MS4A7: variants seen among roughly 807,000 people sequenced by gnomAD.
The protein encoded by MS4A7 is membrane spanning 4-domains A7.
A neutral mutation model predicts 23.5 loss-of-function variants in MS4A7; 21 were observed. The ratio of observed to expected loss-of-function variants is 0.89; its 90% CI spans 0.63 to 1.29. MS4A7 has a LOEUF of 1.29. Among genes scored for constraint, MS4A7 ranks in the 50% most tolerant of loss-of-function variants. The pLI, the probability that MS4A7 is intolerant of heterozygous loss-of-function variation, is 0.00. For synonymous variants in MS4A7, 111 were observed against 107.4 expected (o/e 1.03, Z -0.21); for missense variants, 263 against 274.2 (o/e 0.96, Z 0.29).
intron 4 of MS4A7, chr11:60,388,911 T>C (rs542992796): frequency 6.3e-6 from 1 of 158,424 alleles, no homozygotes; most frequent in East Asian, 1.9e-4. Context: ...CACAGACCTA[T>C]AGATAGGTTT....
intron 6 of MS4A7, 62 bp from the exon 7 acceptor site, chr11:60,393,718 ATTATGAG>A: frequency 7.9e-7 from 1 of 1,261,746 alleles, no homozygotes; most frequent in Non-Finnish European, 1.1e-6. Flanking sequence ...GGGAAAAGGT[ATTATGAG>A]TTATCTTTTT....
At position 60,392,718 on chromosome 11, in the gene MS4A7, C is replaced by T. The variant is rs2135109851; in HGVS notation, c.580C>T (p.Leu194=). 1 of 1,613,866 alleles carries T rather than the reference C, an allele frequency of 6.2e-7. No individual in the cohort carries two copies. Among genetic ancestry groups the T allele is most frequent in the Non-Finnish European group, 8.5e-7 (1 of 1,179,930 alleles). The change falls in exon 6 of 7, where the codon CTG becomes TTG. Residue 194 remains leucine, a synonymous_variant. Transcript: ENST00000300184. ...AGTGGTGATGCTCATCTTCACTGTGCTGGAGCTCTTATTAGCTGCATACAG... is the reference window on the plus strand; with the variant it reads ...AGTGGTGATGCTCATCTTCACTGTGTTGGAGCTCTTATTAGCTGCATACAG... ...VLVVMLIFTV[L]ELLLAAYSSV...
chr11:60,389,958 G>GA, intron 5 of MS4A7: 2 of 238,654 alleles, frequency 8.4e-6, no homozygotes, highest in South Asian at 1.2e-4. Context: ...TTCTTCATTT[G>GA]AATTATATTT....
chr11:60,383,442 T>C, intron 2 of MS4A7, 154 bp downstream of exon 2: 1 of 723,988 alleles, frequency 1.4e-6, no homozygotes, highest in Non-Finnish European at 2.1e-6. Context: ...GGGAAGACTC[T>C]TAAAGCTCTG....
intron 3 of MS4A7, among the ~76,000 whole-genome samples, chr11:60,385,423 G>T (rs147162150): frequency 6.6e-6 from 1 of 152,328 alleles, no homozygotes; most frequent in Non-Finnish European, 1.5e-5. Flanking sequence ...CTGCAGAGCA[G>T]GGGGCAAGAG....
Position 60,386,712 on chromosome 11 carries a change from G to T in MS4A7, c.283-5G>T. ...GAACTGATCATTTCTCTCTCTTCTG[G>T]GCAGTTTGGCATTACTGGATCCCTC... On this transcript the variant is annotated splice_polypyrimidine_tract_variant and splice_region_variant and intron_variant, in intron 3 of 6. Coordinates refer to ENST00000300184, the MANE Select transcript of MS4A7 (RefSeq NM_021201.5). 1 of 1,611,122 alleles carries T rather than the reference G, an allele frequency of 6.2e-7. No individual in the cohort carries two copies. Among genetic ancestry groups the T allele is most frequent in the African/African-American group, 1.3e-5 (1 of 74,928 alleles).
chr11:60,379,205 G>T (rs1485644771), intron 1 of MS4A7, among the ~76,000 whole-genome samples: 1 of 152,202 alleles, frequency 6.6e-6, no homozygotes, highest in Non-Finnish European at 1.5e-5. Flanking sequence ...AAGAATCTTG[G>T]TTATATAGGA....
intron 4 of MS4A7, among the ~76,000 whole-genome samples, chr11:60,387,558 A>G (rs2085505699): frequency 3.3e-5 from 5 of 152,094 alleles, no homozygotes; most frequent in Admixed American, 3.3e-4. Flanking sequence ...TTGAGAAAAA[A>G]AATCAGTTTA....
chr11:60,395,045 T>C lies in MS4A7; in HGVS notation c.*1184T>C. On this transcript the variant is annotated 3_prime_UTR_variant, in exon 7 of 7. Transcript: ENST00000300184. The stretch of plus-strand genomic sequence containing the variant: ...GCTTGGAGCTAAATGCTGCTCATGC[T>C]GAAAAGAATAATGTCTATTTCTTTG... 3 of 588,538 alleles carry C rather than the reference T, an allele frequency of 5.1e-6. No individual in the cohort carries two copies. The highest frequency in any genetic ancestry group is 4.3e-5 in the South Asian group (2 of 46,344). 36.5% of individuals were successfully genotyped at this position (588,538 alleles called of 1,614,324 possible). A position where few individuals can be genotyped will look rare whatever the true frequency, so the allele number is the denominator to read the frequency against.
At position 60,394,121 on chromosome 11, in the gene MS4A7, A is replaced by G; in HGVS notation, c.*260A>G. ...ATAAACTGCTTTGGGTAAACTGAGC[A>G]GAAGGTGATACACAGAAGGGAAAAT... On this transcript the variant is annotated 3_prime_UTR_variant, in exon 7 of 7. Coordinates refer to ENST00000300184, the MANE Select transcript of MS4A7 (RefSeq NM_021201.5). 3.4e-6 allele frequency: 1 copy of G among 295,378 alleles called. No homozygotes were observed. Among genetic ancestry groups the G allele is most frequent in the Non-Finnish European group, 6.2e-6 (1 of 161,628 alleles). 18.3% of individuals were successfully genotyped at this position (295,378 alleles called of 1,614,324 possible).
rs555009259 is a variant in MS4A7 at position 60,388,019 on chromosome 11, C to T, written c.339+1246C>T. Among the ~76,000 whole-genome samples, 4 of 152,344 alleles carry T rather than the reference C, an allele frequency of 2.6e-5. No individual in the cohort carries two copies. The South Asian group carries it at 8.3e-4, about 32-fold the overall frequency. On this transcript the variant is annotated intron_variant, in intron 4 of 6. Coordinates refer to ENST00000300184, the MANE Select transcript of MS4A7 (RefSeq NM_021201.5). ...CATGCTCCTCTCTGTTTAAGCATCA[C>T]TGGAAGACAATGTATGTTGGGAAGG...
At position 60,383,489 on chromosome 11, in the gene MS4A7, T is replaced by C. The variant is rs2085451804; in HGVS notation, c.147+201T>C. 5 of 380,898 alleles carry C rather than the reference T, an allele frequency of 1.3e-5. No homozygotes were observed. The East Asian group carries it at 2.0e-4, about 15-fold the overall frequency. The allele number at this position is 380,898 out of a possible 1,614,324, so 23.6% of individuals were successfully genotyped here. A position where few individuals can be genotyped will look rare whatever the true frequency, so the allele number is the denominator to read the frequency against. The stretch of plus-strand genomic sequence containing the variant: ...AGAAACTAAAACCACTAGATCTTTT[T>C]CACTAGCATGCTTCACAATTAACAG... On this transcript the variant is annotated intron_variant, in intron 2 of 6. Transcript: ENST00000300184.
intron 2 of MS4A7, among the ~76,000 whole-genome samples, chr11:60,384,592 G>A (rs183799633): frequency 8.9e-4 from 135 of 152,238 alleles, no homozygotes; most frequent in Non-Finnish European, 1.6e-3. Flanking sequence ...CAAAAGCATG[G>A]GCTTTAGAGC....
At chr11:60,384,969 C>T (rs1173854193) in intron 2 of MS4A7, 119 bp from the exon 3 acceptor site, 3 of 921,160 alleles carry the variant, frequency 3.3e-6, no homozygotes, top group African/African-American at 3.3e-5. Context: ...AACATTTTTC[C>T]TCTTTAATAT....
chr11:60,386,366 T>A, intron 3 of MS4A7: 1 of 214,796 alleles, frequency 4.7e-6, no homozygotes, highest in Non-Finnish European at 9.1e-6. Context: ...AATCTCTCTG[T>A]CCATTCAAGT....
intron 1 of MS4A7, 74 bp from the exon 2 acceptor site, chr11:60,383,055 A>G (rs1476797457): frequency 8.0e-6 from 12 of 1,498,148 alleles, no homozygotes; most frequent in Non-Finnish European, 1.0e-5. Flanking sequence ...AGTTCCTACA[A>G]AGTATGGTCC....
chr11:60,391,952 GAAA>G (rs3042727), intron 5 of MS4A7, among the ~76,000 whole-genome samples: 48 of 137,552 alleles, frequency 3.5e-4, no homozygotes, highest in African/African-American at 6.3e-4. Flanking sequence ...AACCAAAATG[GAAA>G]AAAAAAAAAA....
chr11:60,388,326 G>A (rs2085513067), intron 4 of MS4A7, among the ~76,000 whole-genome samples: 1 of 152,216 alleles, frequency 6.6e-6, no homozygotes, highest in African/African-American at 2.4e-5. Flanking sequence ...GAAGCCCAGA[G>A]TAAGAAGGAC....
At chr11:60,385,256 C>T in intron 3 of MS4A7, 34 bp downstream of exon 3, 5 of 1,612,572 alleles carry the variant, frequency 3.1e-6, no homozygotes, top group Non-Finnish European at 4.2e-6. Context: ...AGGGGACATG[C>T]TTTATAAATG....
Sources: allele counts gnomAD v4.1 joint callset (sites outside exome capture counted in the v4.1 genomes callset), GRCh38; gene constraint gnomAD v4.1.1; transcripts MANE v1.5; gene names NCBI Gene and HGNC (gene_info 2026-07-23, HGNC 2026-07-21).